Variants in CNTNAP2 observed in about 807,000 individuals in gnomAD.
CNTNAP2 encodes contactin-associated protein-like 2.
Under a neutral mutation model 155.2 loss-of-function variants are expected in CNTNAP2, and 98 were observed. The ratio of observed to expected loss-of-function variants is 0.63; its 90% CI spans 0.54 to 0.75. CNTNAP2 has a LOEUF of 0.75. Ranked by LOEUF, CNTNAP2 falls within the 30% of genes least tolerant of loss-of-function variation. The pLI is 0.00. For synonymous variants in CNTNAP2, 651 were observed against 631.2 expected, an observed-to-expected ratio of 1.03 and a Z score of -0.47; for missense variants, 1,727 against 1,688.1, an observed-to-expected ratio of 1.02 and a Z score of -0.40.
At chr7:146,131,059 G>T (rs923924873) in intron 1 of CNTNAP2, among the ~76,000 whole-genome samples, 8 of 152,164 alleles carry the variant, frequency 5.3e-5, no homozygotes, top group African/African-American at 1.9e-4. Context: ...TGACTTTAAA[G>T]AAAACGAATA....
chr7:146,682,462 C>T (rs1354863868), intron 1 of CNTNAP2, among the ~76,000 whole-genome samples: 1 of 152,090 alleles, frequency 6.6e-6, no homozygotes, highest in Non-Finnish European at 1.5e-5. Context: ...AACATTATTG[C>T]CAAACTTCAT....
intron 12 of CNTNAP2, among the ~76,000 whole-genome samples, chr7:147,562,896 C>T (rs568972716): frequency 2.0e-4 from 31 of 152,230 alleles, no homozygotes; most frequent in East Asian, 1.5e-3. Flanking sequence ...CAATATCTTA[C>T]GCTTCAAAAA....
intron 11 of CNTNAP2, 57 bp downstream of exon 11, chr7:147,486,098 G>A (rs1012511167): frequency 1.1e-5 from 17 of 1,482,042 alleles, no homozygotes; most frequent in Non-Finnish European, 1.5e-5. Context: ...CTCAAGTCTT[G>A]AGCTGTGCTT....
In CNTNAP2 at chr7:147,507,375, G is replaced by A. The variant is rs1336678223; in HGVS notation, c.1777+21334G>A. ...CTCAGCTAAGTAACCCAAGGAGGTT[G>A]TCTCTCTTCACCCGCTCCTCCCCAC... is the stretch of plus-strand genomic sequence containing the variant. On this transcript the variant is annotated intron_variant, in intron 11 of 23. Transcript: ENST00000361727. Among the ~76,000 whole-genome samples the A allele has an allele frequency of 5.3e-5, 8 of 152,032 alleles. No individual in the cohort carries two copies. In the East Asian group the frequency reaches 1.5e-3, roughly 29 times the overall value.
At chr7:148,317,367 A>T (rs1797709090) in intron 21 of CNTNAP2, among the ~76,000 whole-genome samples, 1 of 151,450 alleles carries the variant, frequency 6.6e-6, no homozygotes, top group Non-Finnish European at 1.5e-5. Context: ...AAAAAAAAAA[A>T]TTCATGGTAT....
chr7:147,633,552 G>A (rs1795125747), intron 12 of CNTNAP2, among the ~76,000 whole-genome samples: 1 of 152,128 alleles, frequency 6.6e-6, no homozygotes, highest in African/African-American at 2.4e-5. Context: ...GCCAGGAGAA[G>A]AATGGTATGC....
chr7:147,141,186 A>C (rs2129287322), intron 8 of CNTNAP2, among the ~76,000 whole-genome samples: 1 of 152,252 alleles, frequency 6.6e-6, no homozygotes, highest in South Asian at 2.1e-4. Context: ...GAGAAAAATC[A>C]AATTTTGCCT....
In CNTNAP2 at chr7:148,378,945, C is replaced by A. The variant is rs1164701129; in HGVS notation, c.3476-4704C>A. ...CCCCCAGTGCCACCAGTGCGACATA[C>A]TTCACCCCAGAACAGAGGGAAGGAA... On this transcript the variant is annotated intron_variant, in intron 21 of 23. Coordinates refer to ENST00000361727, the MANE Select transcript of CNTNAP2 (RefSeq NM_014141.6). 3.0e-5 allele frequency among the ~76,000 whole-genome samples: 2 copies of A among 67,018 alleles called. 1 individual carries two copies. Among genetic ancestry groups the A allele is most frequent in the East Asian group, 8.8e-4 (2 of 2,278 alleles). 44.0% of individuals were successfully genotyped at this position (67,018 alleles called of 152,430 possible).
At chr7:147,546,328 A>G (rs1799730941) in intron 11 of CNTNAP2, among the ~76,000 whole-genome samples, 1 of 152,184 alleles carries the variant, frequency 6.6e-6, no homozygotes, top group Non-Finnish European at 1.5e-5. Flanking sequence ...GGAAAAAAAG[A>G]AAATGGAACT....
chr7:147,507,129 C>T (rs572499842), intron 11 of CNTNAP2, among the ~76,000 whole-genome samples: 131 of 152,242 alleles, frequency 8.6e-4, no homozygotes, highest in African/African-American at 2.9e-3. Context: ...TCCTGGGTTT[C>T]CCAGGACTGC....
intron 1 of CNTNAP2, among the ~76,000 whole-genome samples, chr7:146,765,529 G>C (rs1485516042): frequency 6.6e-6 from 1 of 152,198 alleles, no homozygotes; most frequent in Non-Finnish European, 1.5e-5. Flanking sequence ...TGATTCAACA[G>C]CTCTCTGCAA....
intron 8 of CNTNAP2, among the ~76,000 whole-genome samples, chr7:147,291,065 G>C (rs576079000): frequency 6.6e-6 from 1 of 152,044 alleles, no homozygotes; most frequent in African/African-American, 2.4e-5. Context: ...AAAGTTCCTC[G>C]TGCCACCCTA....
chr7:148,078,707 CT>C (rs1397775825), intron 15 of CNTNAP2, among the ~76,000 whole-genome samples: 7 of 152,270 alleles, frequency 4.6e-5, no homozygotes, highest in African/African-American at 1.7e-4. Flanking sequence ...TCTCTAACCC[CT>C]GACCTCAGAT....
chr7:148,363,379 T>A (rs1798662690), intron 21 of CNTNAP2, among the ~76,000 whole-genome samples: 1 of 152,256 alleles, frequency 6.6e-6, no homozygotes. Flanking sequence ...AGGGTGTGTT[T>A]GGTAAGTTGA....
chr7:147,557,640 C>T (rs2116777729), intron 11 of CNTNAP2, among the ~76,000 whole-genome samples: 1 of 152,240 alleles, frequency 6.6e-6, no homozygotes, highest in Admixed American at 6.5e-5. Flanking sequence ...TAGGACTCCA[C>T]TGGGTGCAGA....
At chr7:148,324,805 A>AAAAAAAAAAG (rs1176043388) in intron 21 of CNTNAP2, among the ~76,000 whole-genome samples, 1 of 146,974 alleles carries the variant, frequency 6.8e-6, no homozygotes, top group Non-Finnish European at 1.5e-5. Flanking sequence ...AAAAAAAAAA[A>AAAAAAAAAAG]AAGAGTAGGG....
chr7:148,236,817 T>C (rs1216247209), intron 20 of CNTNAP2, among the ~76,000 whole-genome samples: 3 of 152,246 alleles, frequency 2.0e-5, no homozygotes, highest in Admixed American at 6.5e-5. Flanking sequence ...TTGTCTTACA[T>C]GGCAGGAGCA....
chr7:146,733,782 C>T (rs1031821317), intron 1 of CNTNAP2, among the ~76,000 whole-genome samples: 18 of 152,032 alleles, frequency 1.2e-4, no homozygotes, highest in Non-Finnish European at 2.5e-4. Flanking sequence ...AAAGGAAATA[C>T]TGTTTGAGGG....
rs10277937 is a variant in CNTNAP2 at position 146,879,151 on chromosome 7, C to T, written c.402+39247C>T. Among the ~76,000 whole-genome samples the T allele has an allele frequency of 9.4e-3, 1,427 of 152,214 alleles. 25 individuals carry two copies. The highest frequency in any genetic ancestry group is 0.031 in the African/African-American group (1,297 of 41,546). The stretch of plus-strand genomic sequence containing the variant: ...CAGTGTCTGTGCTGCCATTTCATTG[C>T]CCTGTGGCAGGCATCATTTTCCCAT... On this transcript the variant is annotated intron_variant, in intron 3 of 23. Transcript: ENST00000361727.
Sources: gnomAD v4.1 joint callset for allele counts (sites outside exome capture counted in the v4.1 genomes callset) on GRCh38, gnomAD v4.1.1 for gene constraint, MANE v1.5 for transcripts, NCBI Gene and HGNC (gene_info 2026-07-23, HGNC 2026-07-21) for gene names.